ATF7IP2: variants seen among roughly 807,000 people sequenced by gnomAD.
The protein encoded by ATF7IP2 is activating transcription factor 7-interacting protein 2.
In ATF7IP2, 42 loss-of-function variants were observed where a neutral mutation model predicts 64.2. The ratio of observed to expected loss-of-function variants is 0.65; its 90% CI spans 0.51 to 0.85. The LOEUF (loss-of-function observed/expected upper bound fraction) is 0.85, where lower values mean the gene tolerates loss of function less well. ATF7IP2 is among the 40% of genes least tolerant of loss of function. The pLI is 0.00. For synonymous variants in ATF7IP2, 308 were observed against 272.8 expected (o/e 1.13, Z -1.27); for missense variants, 933 against 784.2 (o/e 1.19, Z -2.27).
At chr16:10,412,228 G>C (rs947644569) in intron 1 of ATF7IP2, among the ~76,000 whole-genome samples, 12 of 151,110 alleles carry the variant, frequency 7.9e-5, no homozygotes, top group Non-Finnish European at 3.0e-5. Flanking sequence ...TTTGGGTTTG[G>C]TTTGTTCTTG....
chr16:10,429,567 C>G (rs960166233), intron 4 of ATF7IP2, among the ~76,000 whole-genome samples: 1 of 151,972 alleles, frequency 6.6e-6, no homozygotes, highest in African/African-American at 2.4e-5. Context: ...CCAGGCTGGC[C>G]TGAACTCCTG....
At chr16:10,418,356 A>G (rs973376189) in intron 2 of ATF7IP2, among the ~76,000 whole-genome samples, 15 of 152,200 alleles carry the variant, frequency 9.9e-5, no homozygotes, top group Admixed American at 3.3e-4. Flanking sequence ...TGCTGCAGAG[A>G]TTTTGTTTAT....
At chr16:10,481,602 G>A (rs1214894809) in intron 13 of ATF7IP2, among the ~76,000 whole-genome samples, 1 of 152,064 alleles carries the variant, frequency 6.6e-6, no homozygotes, top group Non-Finnish European at 1.5e-5. Context: ...AAATGAGATG[G>A]AATATTTATC....
intron 5 of ATF7IP2, among the ~76,000 whole-genome samples, chr16:10,432,155 A>G (rs2048281114): frequency 6.6e-6 from 1 of 152,048 alleles, no homozygotes; most frequent in South Asian, 2.1e-4. Context: ...TTCTTTCTAT[A>G]GAATTGACCT....
intron 1 of ATF7IP2, among the ~76,000 whole-genome samples, chr16:10,408,731 A>G (rs1277552174): frequency 6.6e-6 from 1 of 152,088 alleles, no homozygotes; most frequent in African/African-American, 2.4e-5. Flanking sequence ...TGTAGACTCT[A>G]GATATTAGTC....
At chr16:10,459,869 AAAAG>A (rs2049316268) in intron 9 of ATF7IP2, among the ~76,000 whole-genome samples, 1 of 152,220 alleles carries the variant, frequency 6.6e-6, no homozygotes, top group Non-Finnish European at 1.5e-5. Flanking sequence ...TTGGAGATAC[AAAAG>A]AAAGATGCCT....
At position 10,482,215 on chromosome 16, in the gene ATF7IP2, A is replaced by T. The variant is rs1226838328; in HGVS notation, c.2015A>T (p.Lys672Ile). ...FGRYGPFCDI[K>I]SIPGFSENLT ...CGATATGGACCATTCTGTGATATAA[A>T]ATCTATCCCTGGGTTTTCTGAAAAT... is the stretch of plus-strand genomic sequence containing the variant. Residue 672 changes from lysine to isoleucine, a missense_variant, in exon 14 of 14, where the codon AAA (lysine) becomes ATA (isoleucine). Coordinates refer to ENST00000562102, the MANE Select transcript of ATF7IP2 (RefSeq NM_001393719.1). The T allele has an allele frequency of 6.2e-7, 1 of 1,601,402 alleles. No homozygotes were observed. Among genetic ancestry groups the T allele is most frequent in the African/African-American group, 1.3e-5 (1 of 74,188 alleles).
intron 3 of ATF7IP2, among the ~76,000 whole-genome samples, chr16:10,427,231 A>G (rs1161097992): frequency 6.6e-6 from 1 of 152,222 alleles, no homozygotes; most frequent in Non-Finnish European, 1.5e-5. Flanking sequence ...TGAGCAGGAA[A>G]TAACCAGGAA....
chr16:10,427,946 C>T (rs897096397), intron 3 of ATF7IP2, among the ~76,000 whole-genome samples: 1 of 151,488 alleles, frequency 6.6e-6, no homozygotes, highest in African/African-American at 2.4e-5. Context: ...AGAATTATTA[C>T]AGTGCAAAGA....
chr16:10,437,956 T>A, intron 6 of ATF7IP2, 145 bp from the exon 7 acceptor site: 2 of 530,654 alleles, frequency 3.8e-6, no homozygotes, highest in Non-Finnish European at 5.9e-6. Flanking sequence ...CTTACTGGTA[T>A]AGTTATATAA....
chr16:10,395,682 A>G (rs980104688), intron 1 of ATF7IP2, among the ~76,000 whole-genome samples: 52 of 152,228 alleles, frequency 3.4e-4, no homozygotes, highest in African/African-American at 1.2e-3. Flanking sequence ...ACAAAGCTAC[A>G]TGATCTTTTT....
chr16:10,405,188 C>A (rs2047611748), intron 1 of ATF7IP2, among the ~76,000 whole-genome samples: 1 of 151,452 alleles, frequency 6.6e-6, no homozygotes, highest in Non-Finnish European at 1.5e-5. Context: ...CATGGTGAAA[C>A]CCGGTCTCTA....
chr16:10,431,855 G>A lies in ATF7IP2; in HGVS notation c.835+400G>A, dbSNP rs368539372. On this transcript the variant is annotated intron_variant, in intron 5 of 13. Coordinates refer to ENST00000562102, the MANE Select transcript of ATF7IP2 (RefSeq NM_001393719.1). ...TTTTTTTTTTTTGAGACGGAGTCTC[G>A]CTCTGTCGCTCAGGCTGGAGTGCAG... Among the ~76,000 whole-genome samples, 10 of 129,880 alleles carry A rather than the reference G, an allele frequency of 7.7e-5. No homozygotes were observed. The South Asian group carries it at 9.4e-4, about 12-fold the overall frequency. The allele number at this position is 129,880 out of a possible 152,430, so 85.2% of individuals were successfully genotyped here.
intron 1 of ATF7IP2, among the ~76,000 whole-genome samples, chr16:10,391,493 T>TA (rs1351469943): frequency 1.3e-5 from 2 of 152,222 alleles, no homozygotes; most frequent in Non-Finnish European, 2.9e-5. Flanking sequence ...CTAGCAAACT[T>TA]AAAGTACTTT....
intron 8 of ATF7IP2, among the ~76,000 whole-genome samples, chr16:10,456,394 T>G (rs187271318): frequency 5.9e-5 from 9 of 152,284 alleles, no homozygotes; most frequent in Non-Finnish European, 1.3e-4. Context: ...ATCAAATGTC[T>G]CAGTATCCAG....
intron 9 of ATF7IP2, among the ~76,000 whole-genome samples, chr16:10,459,325 G>A (rs1160687311): frequency 2.0e-5 from 3 of 152,042 alleles, no homozygotes; most frequent in African/African-American, 4.8e-5. Flanking sequence ...AAAATTAGCC[G>A]GGCATGGTGG....
At chr16:10,428,606 T>C (rs1180400519) in intron 3 of ATF7IP2, among the ~76,000 whole-genome samples, 1 of 152,178 alleles carries the variant, frequency 6.6e-6, no homozygotes, top group African/African-American at 2.4e-5. Context: ...TAGGTAATTA[T>C]AGCCTGTCAG....
rs1026907790 is a variant in ATF7IP2, at chr16:10,417,898, A to C, written c.-202-1683A>C. Among the ~76,000 whole-genome samples the C allele has an allele frequency of 1.7e-4, 26 of 152,196 alleles. 2 individuals carry two copies. The highest frequency in any genetic ancestry group is 1.7e-3 in the Admixed American group (26 of 15,282). ...ATTTGTTTTTTATGAGGGTGTCATA[A>C]AAAAGGTAAGTAATGGTGTTTTAAA... On this transcript the variant is annotated intron_variant, in intron 2 of 13. Coordinates refer to ENST00000562102, the MANE Select transcript of ATF7IP2 (RefSeq NM_001393719.1).
intron 9 of ATF7IP2, among the ~76,000 whole-genome samples, chr16:10,471,087 C>G (rs919987818): frequency 1.3e-5 from 2 of 152,040 alleles, no homozygotes; most frequent in East Asian, 3.9e-4. Flanking sequence ...TGTAGTTTAA[C>G]AGGAAAAGAT....
Sources: allele counts gnomAD v4.1 joint callset (sites outside exome capture counted in the v4.1 genomes callset), GRCh38; gene constraint gnomAD v4.1.1; transcripts MANE v1.5; gene names NCBI Gene and HGNC (gene_info 2026-07-23, HGNC 2026-07-21).